Variants in FAM107B observed in about 807,000 individuals in gnomAD.
FAM107B encodes the protein protein FAM107B.
In FAM107B, 21 loss-of-function variants were observed where a neutral mutation model predicts 31.5. The ratio of observed to expected loss-of-function variants is 0.67; its 90% confidence interval spans 0.47 to 0.96. The LOEUF (loss-of-function observed/expected upper bound fraction) is 0.96, where lower values mean the gene tolerates loss of function less well. FAM107B is among the 40% of genes least tolerant of loss of function. The pLI is 0.00. For missense variants in FAM107B, 452 were observed against 377.1 expected, an observed-to-expected ratio of 1.20 and a Z score of -1.64; for synonymous variants, 157 against 141.5, an observed-to-expected ratio of 1.11 and a Z score of -0.78.
intron 1 of FAM107B, among the ~76,000 whole-genome samples, chr10:14,733,913 C>A (rs575880229): frequency 6.6e-6 from 1 of 152,222 alleles, no homozygotes; most frequent in South Asian, 2.1e-4. Flanking sequence ...GTATTTTCAA[C>A]AAATGTCCTT....
rs1170356529 is a variant in FAM107B, at chr10:14,553,382, A to C, written c.470-22867T>G. On this transcript the variant is annotated intron_variant, in intron 2 of 4. Coordinates refer to ENST00000181796, the MANE Select transcript of FAM107B (RefSeq NM_031453.4). ...TATCCACAAAATTAGTTTCAACTGC[A>C]TTCTCCTTTAAAAAAAAAACATAGT... 4.7e-6 allele frequency: 6 copies of C among 1,279,240 alleles called. No individual in the cohort carries two copies. In the East Asian group the frequency reaches 3.3e-4, roughly 71 times the overall value. 79.2% of individuals were successfully genotyped at this position (1,279,240 alleles called of 1,614,324 possible).
At chr10:14,691,190 C>T (rs1047037728) in intron 1 of FAM107B, among the ~76,000 whole-genome samples, 3 of 152,074 alleles carry the variant, frequency 2.0e-5, no homozygotes, top group Admixed American at 6.5e-5. Flanking sequence ...CATGAGCCCC[C>T]GTACCCAGCC....
chr10:14,607,111 C>T (rs1191581922), intron 2 of FAM107B, among the ~76,000 whole-genome samples: 11 of 152,310 alleles, frequency 7.2e-5, no homozygotes, highest in South Asian at 4.1e-4. Context: ...TAAGTGACCA[C>T]GGTCTTTTCC....
chr10:14,727,812 T>G (rs2131556577), intron 1 of FAM107B, among the ~76,000 whole-genome samples: 1 of 152,338 alleles, frequency 6.6e-6, no homozygotes, highest in African/African-American at 2.4e-5. Context: ...AATAGCCCAC[T>G]TCACTTCCCA....
At chr10:14,774,228 A>T (rs373019702) in intron 1 of FAM107B, 25 bp downstream of exon 1, 25 of 1,581,218 alleles carry the variant, frequency 1.6e-5, no homozygotes, top group African/African-American at 2.7e-5. Flanking sequence ...TCCCGTCTAT[A>T]ATCGCAGAGC....
chr10:14,746,999 C>A (rs181156790), intron 1 of FAM107B, among the ~76,000 whole-genome samples: 2 of 152,222 alleles, frequency 1.3e-5, no homozygotes, highest in East Asian at 1.9e-4. Context: ...CCTTTTCATT[C>A]TTTTTTCTCT....
At chr10:14,580,011 C>A (rs1407108252) in intron 2 of FAM107B, among the ~76,000 whole-genome samples, 3 of 98,104 alleles carry the variant, frequency 3.1e-5, no homozygotes, top group African/African-American at 1.1e-4. Context: ...TACAGCAAGA[C>A]TTCATTTCAA....
intron 1 of FAM107B, among the ~76,000 whole-genome samples, chr10:14,705,378 T>A (rs1855495840): frequency 6.6e-6 from 1 of 152,094 alleles, no homozygotes; most frequent in Non-Finnish European, 1.5e-5. Flanking sequence ...CCCAAAAGAA[T>A]TAAAAGCAGA....
rs530209745 is a variant in FAM107B at position 14,545,922 on chromosome 10, G to A, written c.470-15407C>T. 8.5e-5 allele frequency among the ~76,000 whole-genome samples: 13 copies of A among 152,238 alleles called. No homozygotes were observed. In the East Asian group the frequency reaches 1.4e-3, roughly 16 times the overall value. ...ATGGACTGAGAAGATGGTTGATTTC[G>A]GCCTAATCATTCCTGAGAGGAAGGA... On this transcript the variant is annotated intron_variant, in intron 2 of 4. Transcript: ENST00000181796.
At chr10:14,624,952 T>C (rs1853118493) in intron 2 of FAM107B, among the ~76,000 whole-genome samples, 1 of 152,082 alleles carries the variant, frequency 6.6e-6, no homozygotes, top group East Asian at 1.9e-4. Flanking sequence ...TGGCCGGGCG[T>C]GGTGGCTCAC....
At chr10:14,595,349 G>A (rs933740662) in intron 2 of FAM107B, among the ~76,000 whole-genome samples, 80 of 150,406 alleles carry the variant, frequency 5.3e-4, no homozygotes, top group Admixed American at 2.0e-4. Flanking sequence ...CAGCAAAAAT[G>A]ATTGAAAACG....
intron 2 of FAM107B, among the ~76,000 whole-genome samples, chr10:14,581,309 T>C (rs895817878): frequency 6.6e-6 from 1 of 152,200 alleles, no homozygotes; most frequent in African/African-American, 2.4e-5. Flanking sequence ...GGCAAGCACC[T>C]GAATCGCTGC....
intron 1 of FAM107B, among the ~76,000 whole-genome samples, chr10:14,742,966 T>C (rs148621617): frequency 6.5e-4 from 99 of 152,318 alleles, no homozygotes; most frequent in African/African-American, 2.2e-3. Context: ...TCTGTGTTTC[T>C]TGGTCTTCCT....
intron 1 of FAM107B, among the ~76,000 whole-genome samples, chr10:14,734,886 T>C (rs1856262585): frequency 6.6e-6 from 1 of 152,168 alleles, no homozygotes; most frequent in Admixed American, 6.6e-5. Flanking sequence ...GTGGACACAG[T>C]TGTATAAATC....
intron 2 of FAM107B, among the ~76,000 whole-genome samples, chr10:14,586,083 C>T (rs1851819515): frequency 6.6e-6 from 1 of 152,180 alleles, no homozygotes; most frequent in South Asian, 2.1e-4. Flanking sequence ...CAACAAAATA[C>T]CTGGGCAAGG....
Position 14,605,145 on chromosome 10 carries a change from A to AC in FAM107B, c.469+62488dup, listed in dbSNP as rs146879089. Among the ~76,000 whole-genome samples, 675 of 152,290 alleles carry AC rather than the reference A, an allele frequency of 4.4e-3. 1 individual carries two copies. Among genetic ancestry groups the AC allele is most frequent in the African/African-American group, 0.015 (624 of 41,554 alleles). ...TGTACAAATTTACGGTCAAGCCAGGACCCAAAACCCGGTGACCTGGAGATT... is the reference window on the plus strand; with the variant it reads ...TGTACAAATTTACGGTCAAGCCAGGACCCCAAAACCCGGTGACCTGGAGATT... On this transcript the variant is annotated intron_variant, in intron 2 of 4. Coordinates refer to ENST00000181796, the MANE Select transcript of FAM107B (RefSeq NM_031453.4).
Position 14,671,718 on chromosome 10 carries a change from C to T in FAM107B, c.412-4027G>A, listed in dbSNP as rs74122899. ...GGCACCACCTTGTTATCACGTGCGG[C>T]TGAAACTGAAGCCCACACAAAGGAA... On this transcript the variant is annotated intron_variant, in intron 1 of 4. Transcript: ENST00000181796. Among the ~76,000 whole-genome samples the T allele has an allele frequency of 7.2e-3, 1,098 of 152,170 alleles. 15 individuals carry two copies. The highest frequency in any genetic ancestry group is 0.025 in the African/African-American group (1,039 of 41,518).
chr10:14,620,233 G>A (rs973570866), intron 2 of FAM107B, among the ~76,000 whole-genome samples: 7 of 151,968 alleles, frequency 4.6e-5, no homozygotes, highest in Non-Finnish European at 1.0e-4. Context: ...TGGCCAGGAT[G>A]GTCTCGATGT....
chr10:14,602,086 G>A (rs996150033), intron 2 of FAM107B, among the ~76,000 whole-genome samples: 1 of 152,102 alleles, frequency 6.6e-6, no homozygotes, highest in Non-Finnish European at 1.5e-5. Flanking sequence ...TTGGAGCTTC[G>A]TTTGACTTTT....
Sources: allele counts gnomAD v4.1 joint callset (sites outside exome capture counted in the v4.1 genomes callset), GRCh38; gene constraint gnomAD v4.1.1; transcripts MANE v1.5; gene names NCBI Gene and HGNC (gene_info 2026-07-23, HGNC 2026-07-21).